Variants in RYR3 observed in about 807,000 individuals in gnomAD.
RYR3 encodes the protein ryanodine receptor 3.
A neutral mutation model predicts 584.3 loss-of-function variants in RYR3; 207 were observed. The ratio of observed to expected loss-of-function variants is 0.35; its 90% CI spans 0.32 to 0.40. The LOEUF (loss-of-function observed/expected upper bound fraction) is 0.40. Among genes scored for constraint, RYR3 ranks in the 10% least tolerant of loss-of-function variants. The pLI, the probability that RYR3 is intolerant of heterozygous loss-of-function variation, is 1.00. For synonymous variants in RYR3, 2,416 were observed against 2,248.5 expected, an observed-to-expected ratio of 1.07 and a Z score of -2.11; for missense variants, 5,616 against 6,089.2, an observed-to-expected ratio of 0.92 and a Z score of 2.59.
intron 51 of RYR3, among the ~76,000 whole-genome samples, chr15:33,740,654 C>T (rs571910901): frequency 9.2e-5 from 14 of 152,262 alleles, no homozygotes; most frequent in Admixed American, 7.2e-4. Flanking sequence ...TATGAATATG[C>T]GCTGTAGGGT....
intron 1 of RYR3, among the ~76,000 whole-genome samples, chr15:33,420,798 T>C (rs1375707403): frequency 6.6e-6 from 1 of 152,106 alleles, no homozygotes; most frequent in Non-Finnish European, 1.5e-5. Flanking sequence ...TATGCAGATA[T>C]GGAAGTAGGA....
At chr15:33,750,727 TA>T (rs1004105665) in intron 57 of RYR3, among the ~76,000 whole-genome samples, 28 of 151,376 alleles carry the variant, frequency 1.8e-4, no homozygotes, top group Non-Finnish European at 2.2e-4. Flanking sequence ...GTACCCTAGA[TA>T]TTTTTTTATT....
intron 36 of RYR3, 57 bp downstream of exon 36, chr15:33,663,794 G>T (rs1425634419): frequency 2.1e-6 from 3 of 1,461,456 alleles, no homozygotes; most frequent in Non-Finnish European, 9.4e-7. Context: ...GAGACCTATG[G>T]AACAGGGCAC....
intron 18 of RYR3, among the ~76,000 whole-genome samples, chr15:33,606,665 G>A (rs910165737): frequency 6.6e-6 from 1 of 152,156 alleles, no homozygotes; most frequent in Non-Finnish European, 1.5e-5. Context: ...TTGGAGGAAT[G>A]GCTCTTTTTC....
intron 55 of RYR3, among the ~76,000 whole-genome samples, 200 bp downstream of exon 55, chr15:33,748,730 T>G (rs532040821): frequency 6.6e-6 from 1 of 152,258 alleles, no homozygotes; most frequent in South Asian, 2.1e-4. Context: ...GGCTTTGCGC[T>G]TCTTCTAAGG....
chr15:33,696,218 C>T lies in RYR3; in HGVS notation c.5861C>T (p.Thr1954Ile), dbSNP rs370732432. ...QPTEEEERCP[T>I]TLKELISQTM... is the part of the protein sequence containing the mutation. ...CTGCTCCCTCCTGTTGTCCTTCCAG[C>T]AACATTGAAGGAACTCATCTCACAG... Residue 1954 changes from threonine to isoleucine, a missense_variant and splice_region_variant, in exon 39 of 104, where the codon ACA becomes ATA. Thr to Ile is a moderately conservative substitution (Grantham distance 89, BLOSUM62 -1). This residue lies in a region of RYR3 where 1,280 missense variants were observed against 1,426.2 expected (regional missense o/e 0.90). Coordinates refer to ENST00000634891, the MANE Select transcript of RYR3 (RefSeq NM_001036.6). The T allele has an allele frequency of 3.1e-6, 5 of 1,611,956 alleles. No individual in the cohort carries two copies. Among genetic ancestry groups the T allele is most frequent in the Admixed American group, 3.3e-5 (2 of 59,962 alleles).
At chr15:33,403,960 C>CA (rs2042850804) in intron 1 of RYR3, among the ~76,000 whole-genome samples, 1 of 152,116 alleles carries the variant, frequency 6.6e-6, no homozygotes, top group African/African-American at 2.4e-5. Flanking sequence ...ATGCAATAGC[C>CA]AAAAAGCATA....
intron 41 of RYR3, among the ~76,000 whole-genome samples, chr15:33,700,256 T>C (rs2066202874): frequency 6.6e-6 from 1 of 152,202 alleles, no homozygotes; most frequent in Non-Finnish European, 1.5e-5. Flanking sequence ...GCTGCATACC[T>C]GTCCATCAAC....
intron 1 of RYR3, among the ~76,000 whole-genome samples, chr15:33,401,396 A>G (rs1200961910): frequency 6.6e-6 from 1 of 152,214 alleles, no homozygotes; most frequent in Non-Finnish European, 1.5e-5. Context: ...TACACTGTAT[A>G]GTGCATGAAT....
At chr15:33,777,467 C>G (rs1355996600) in intron 64 of RYR3, among the ~76,000 whole-genome samples, 2 of 152,130 alleles carry the variant, frequency 1.3e-5, no homozygotes, top group South Asian at 4.2e-4. Flanking sequence ...ACAGACTTCT[C>G]AGTTTTACTT....
chr15:33,312,286 C>T (rs1595674354), intron 1 of RYR3, among the ~76,000 whole-genome samples: 2 of 152,306 alleles, frequency 1.3e-5, no homozygotes, highest in African/African-American at 2.4e-5. Context: ...TTTTGAACCA[C>T]TCTCCTCCTG....
chr15:33,379,418 G>A (rs10438373), intron 1 of RYR3, among the ~76,000 whole-genome samples: 12,560 of 152,038 alleles, frequency 0.083, 1,116 homozygotes, highest in African/African-American at 0.23. Context: ...TTACAGTTTA[G>A]TGCCTGTGAA....
In RYR3 at chr15:33,860,629, C is replaced by T; in HGVS notation, c.14334C>T (p.Asp4778=). Residue 4778 remains aspartate, a synonymous_variant, in exon 101 of 104, where the codon GAC becomes GAT. Transcript: ENST00000634891. The part of the protein sequence containing the change: ...LIIDAFGELR[D]QQEQVREDME... ...TTGATGCTTTCGGAGAGCTAAGAGA[C>T]CAGCAGGAACAAGTACGAGAAGATA... 1.9e-6 allele frequency: 3 copies of T among 1,594,458 alleles called. No homozygotes were observed. The highest frequency in any genetic ancestry group is 1.7e-4 in the Middle Eastern group (1 of 6,046).
intron 3 of RYR3, among the ~76,000 whole-genome samples, chr15:33,511,619 C>A (rs1003618949): frequency 1.4e-5 from 2 of 144,216 alleles, no homozygotes; most frequent in South Asian, 2.1e-4. Context: ...AAAAAAAAAA[C>A]CACTAGTGCA....
chr15:33,601,013 A>C (rs2152550821), intron 16 of RYR3, among the ~76,000 whole-genome samples: 1 of 152,266 alleles, frequency 6.6e-6, no homozygotes, highest in South Asian at 2.1e-4. Flanking sequence ...TTCAGAGCTC[A>C]GACAGTGAGC....
chr15:33,601,334 GACTCC>G, intron 16 of RYR3, 80 bp from the exon 17 acceptor site: 1 of 1,393,672 alleles, frequency 7.2e-7, no homozygotes, highest in Non-Finnish European at 9.9e-7. Flanking sequence ...ACCCTTTATG[GACTCC>G]TTCCCTCATG....
intron 1 of RYR3, among the ~76,000 whole-genome samples, chr15:33,464,782 A>G (rs2048355870): frequency 6.6e-6 from 1 of 151,970 alleles, no homozygotes; most frequent in Middle Eastern, 3.2e-3. Context: ...AATCTCAATT[A>G]TAAGATAGAG....
chr15:33,467,824 G>C (rs896113976), intron 1 of RYR3, among the ~76,000 whole-genome samples: 3 of 152,196 alleles, frequency 2.0e-5, no homozygotes, highest in South Asian at 4.1e-4. Context: ...TTGCAATCAT[G>C]GGGAATAGAG....
chr15:33,447,833 A>G (rs1228314441), intron 1 of RYR3, among the ~76,000 whole-genome samples: 1 of 152,186 alleles, frequency 6.6e-6, no homozygotes, highest in Non-Finnish European at 1.5e-5. Context: ...CTTTTTGTTT[A>G]CTTCAATAGA....
Sources: allele counts gnomAD v4.1 joint callset (sites outside exome capture counted in the v4.1 genomes callset), GRCh38; gene constraint gnomAD v4.1.1; regional missense constraint gnomAD v4.1.1; transcripts MANE v1.5; gene names NCBI Gene and HGNC (gene_info 2026-07-23, HGNC 2026-07-21).